Variants in ROBO1 observed in about 807,000 individuals in gnomAD.
ROBO1 encodes the protein roundabout guidance receptor 1.
Under a neutral mutation model 195.9 loss-of-function variants are expected in ROBO1, and 149 were observed. The observed-to-expected ratio is 0.76, with a 90% CI of 0.67 to 0.87. The LOEUF is 0.87. ROBO1 is among the 40% of genes least tolerant of loss of function. The probability of loss-of-function intolerance (pLI) is 0.00; values close to 1 mark genes in which losing one functional copy is unlikely to be tolerated. For synonymous variants in ROBO1, 816 were observed against 733.2 expected, an observed-to-expected ratio of 1.11 and a Z score of -1.82; for missense variants, 1,933 against 2,068.3, an observed-to-expected ratio of 0.93 and a Z score of 1.27.
At chr3:79,134,929 C>T (rs1376790395) in intron 2 of ROBO1, among the ~76,000 whole-genome samples, 1 of 132,040 alleles carries the variant, frequency 7.6e-6, no homozygotes. Flanking sequence ...GGGAGATATA[C>T]CTAATGCTAG....
chr3:78,793,135 C>CAA (rs34409991), intron 4 of ROBO1, among the ~76,000 whole-genome samples: 93 of 139,508 alleles, frequency 6.7e-4, no homozygotes, highest in African/African-American at 2.4e-3. Flanking sequence ...AAAACAAAAC[C>CAA]AAAAAAAAAA....
intron 1 of ROBO1, among the ~76,000 whole-genome samples, chr3:79,759,305 A>T (rs1368992123): frequency 6.6e-6 from 1 of 152,162 alleles, no homozygotes; most frequent in Non-Finnish European, 1.5e-5. Context: ...GCTTGGATTA[A>T]TATTTTTGAG....
At chr3:78,629,727 C>T (rs535407160) in intron 25 of ROBO1, among the ~76,000 whole-genome samples, 1 of 152,112 alleles carries the variant, frequency 6.6e-6, no homozygotes, top group Non-Finnish European at 1.5e-5. Flanking sequence ...GATTCCATAT[C>T]TGCAAATTCG....
chr3:78,865,472 CTTTT>C (rs549086224), intron 4 of ROBO1, among the ~76,000 whole-genome samples: 1 of 126,890 alleles, frequency 7.9e-6, no homozygotes. Context: ...TTGATGAACG[CTTTT>C]TTTTTTTTTT....
intron 10 of ROBO1, among the ~76,000 whole-genome samples, chr3:78,672,373 G>A (rs1708115248): frequency 6.6e-6 from 1 of 152,012 alleles, no homozygotes; most frequent in African/African-American, 2.4e-5. Context: ...AAGCCTAAGA[G>A]TTCAAAACCC....
Position 78,639,803 on chromosome 3 carries a change from C to T in ROBO1, c.2978G>A (p.Ser993Asn), listed in dbSNP as rs1705819635. The T allele has an allele frequency of 6.2e-7, 1 of 1,613,478 alleles. No homozygotes were observed. The highest frequency in any genetic ancestry group is 1.7e-5 in the Admixed American group (1 of 59,978). ...GTTTCCATTGCCTGCCGTGCAGCAG[C>T]TGATGGAGCAGTCATTGTGGTTGTT... is the stretch of plus-strand genomic sequence containing the variant. The part of the protein sequence containing the change: ...TGNNHNDCSI[S>N]CCTAGNGNSD... The change falls in exon 22 of 31, where the codon AGC becomes AAC. Residue 993 changes from serine (S) to asparagine (N), a missense_variant. By Grantham distance (46) the Ser-to-Asn change is conservative. Coordinates refer to ENST00000464233, the MANE Select transcript of ROBO1 (RefSeq NM_002941.4).
intron 4 of ROBO1, among the ~76,000 whole-genome samples, chr3:78,882,812 CTT>C (rs34634729): frequency 7.3e-6 from 1 of 136,478 alleles, no homozygotes; most frequent in Non-Finnish European, 1.6e-5. Flanking sequence ...TCTTCCTAAT[CTT>C]TTTTTTTTTT....
intron 4 of ROBO1, among the ~76,000 whole-genome samples, chr3:78,859,337 A>G (rs1029717552): frequency 4.6e-5 from 7 of 152,238 alleles, no homozygotes; most frequent in African/African-American, 1.7e-4. Context: ...TTTTTAAAAG[A>G]AATTATGGAA....
chr3:79,480,377 G>C (rs1217398586), intron 2 of ROBO1, among the ~76,000 whole-genome samples: 2 of 152,064 alleles, frequency 1.3e-5, no homozygotes, highest in Non-Finnish European at 2.9e-5. Flanking sequence ...TATTTCTCAA[G>C]TATATCTATA....
intron 1 of ROBO1, among the ~76,000 whole-genome samples, chr3:79,712,125 G>A (rs1306640728): frequency 1.3e-5 from 2 of 152,052 alleles, no homozygotes; most frequent in East Asian, 1.9e-4. Context: ...CCTCTAAAAT[G>A]TTTAAGTGAA....
intron 10 of ROBO1, among the ~76,000 whole-genome samples, chr3:78,674,489 C>T (rs991922608): frequency 6.6e-6 from 1 of 152,164 alleles, no homozygotes; most frequent in African/African-American, 2.4e-5. Context: ...ATTGTTTTCA[C>T]AATATCAATA....
chr3:79,451,729 C>T (rs1348432132), intron 2 of ROBO1, among the ~76,000 whole-genome samples: 2 of 151,876 alleles, frequency 1.3e-5, no homozygotes, highest in East Asian at 1.9e-4. Context: ...CGTGGTATTT[C>T]GTTACAGCAT....
intron 3 of ROBO1, chr3:79,018,821 T>C: frequency 2.0e-6 from 2 of 1,019,674 alleles, no homozygotes; most frequent in African/African-American, 1.7e-5. Flanking sequence ...GCCCCCACAA[T>C]GTGCGGCCGA....
chr3:78,788,704 A>T (rs549744101), intron 4 of ROBO1, among the ~76,000 whole-genome samples: 64 of 152,196 alleles, frequency 4.2e-4, no homozygotes, highest in Non-Finnish European at 6.8e-4. Flanking sequence ...TTAAAAAAGC[A>T]TTTGAAATCC....
intron 2 of ROBO1, among the ~76,000 whole-genome samples, chr3:79,343,025 C>G (rs548612339): frequency 1.3e-5 from 2 of 152,170 alleles, no homozygotes; most frequent in Non-Finnish European, 1.5e-5. Context: ...CTCTCACACC[C>G]TAACAACAAT....
At chr3:79,118,444 T>C (rs2108553767) in intron 3 of ROBO1, among the ~76,000 whole-genome samples, 1 of 152,302 alleles carries the variant, frequency 6.6e-6, no homozygotes, top group South Asian at 2.1e-4. Context: ...ACTTTAAATC[T>C]GAATTCTTCA....
At chr3:79,476,450 C>T (rs1938550458) in intron 2 of ROBO1, among the ~76,000 whole-genome samples, 1 of 152,110 alleles carries the variant, frequency 6.6e-6, no homozygotes, top group South Asian at 2.1e-4. Context: ...GAAAAAGATA[C>T]TTGCACACGC....
chr3:79,502,235 C>G (rs999112467), intron 2 of ROBO1, among the ~76,000 whole-genome samples: 1 of 152,188 alleles, frequency 6.6e-6, no homozygotes, highest in African/African-American at 2.4e-5. Flanking sequence ...CCCGCTCCCT[C>G]AGCTTGCGGG....
chr3:79,494,333 G>T (rs573663171), intron 2 of ROBO1, among the ~76,000 whole-genome samples: 84 of 152,042 alleles, frequency 5.5e-4, no homozygotes, highest in African/African-American at 2.0e-3. Flanking sequence ...GTCATGTAAA[G>T]GTTATATATC....
Sources: allele counts gnomAD v4.1 joint callset (sites outside exome capture counted in the v4.1 genomes callset), GRCh38; gene constraint gnomAD v4.1.1; transcripts MANE v1.5; gene names NCBI Gene and HGNC (gene_info 2026-07-23, HGNC 2026-07-21).